Variants in ADAM23 observed in about 807,000 individuals in gnomAD.
The protein encoded by ADAM23 is ADAM metallopeptidase domain 23.
ADAM23 carries 33 observed loss-of-function variants against 120.1 expected under a neutral mutation model. That is an observed-to-expected ratio of 0.27 (90% confidence interval 0.21 to 0.37). ADAM23 has a LOEUF of 0.37. Among genes scored for constraint, ADAM23 ranks in the 10% least tolerant of loss-of-function variants. The pLI, the probability that ADAM23 is intolerant of heterozygous loss-of-function variation, is 1.00. For missense variants in ADAM23, 862 were observed against 1,058.2 expected, an observed-to-expected ratio of 0.81 and a Z score of 2.57; for synonymous variants, 367 against 375.2, an observed-to-expected ratio of 0.98 and a Z score of 0.25.
chr2:206,538,575 G>A (rs1208256187), intron 4 of ADAM23, among the ~76,000 whole-genome samples: 1 of 152,166 alleles, frequency 6.6e-6, no homozygotes, highest in African/African-American at 2.4e-5. Flanking sequence ...GAAAATATCA[G>A]TGTATGGTCA....
At chr2:206,464,164 G>A (rs950988778) in intron 2 of ADAM23, among the ~76,000 whole-genome samples, 1 of 152,286 alleles carries the variant, frequency 6.6e-6, no homozygotes, top group South Asian at 2.1e-4. Flanking sequence ...GTTCTTTTCA[G>A]TTGGATTATA....
chr2:206,595,736 A>T (rs1189166557), intron 23 of ADAM23, among the ~76,000 whole-genome samples: 1 of 152,238 alleles, frequency 6.6e-6, no homozygotes, highest in Non-Finnish European at 1.5e-5. Context: ...TTGTATACTT[A>T]TGTAATATCA....
At chr2:206,554,783 G>A (rs762469497) in intron 9 of ADAM23, among the ~76,000 whole-genome samples, 13 of 152,062 alleles carry the variant, frequency 8.5e-5, no homozygotes, top group Non-Finnish European at 1.3e-4. Flanking sequence ...TGTTTTAGGC[G>A]AAACACTTAC....
At chr2:206,488,325 G>A (rs868319489) in intron 3 of ADAM23, among the ~76,000 whole-genome samples, 2 of 152,202 alleles carry the variant, frequency 1.3e-5, no homozygotes, top group South Asian at 2.1e-4. Context: ...CAGTGTACAC[G>A]AATAGTGTTA....
intron 18 of ADAM23, among the ~76,000 whole-genome samples, chr2:206,578,282 G>A (rs1370954634): frequency 6.6e-6 from 1 of 152,066 alleles, no homozygotes; most frequent in Non-Finnish European, 1.5e-5. Flanking sequence ...TGATTTGTGA[G>A]ATTTTGGTGC....
intron 24 of ADAM23, among the ~76,000 whole-genome samples, chr2:206,598,979 C>T (rs918634962): frequency 5.5e-4 from 80 of 145,276 alleles, no homozygotes; most frequent in Non-Finnish European, 1.0e-3. Context: ...CCCAGGCAGG[C>T]GGATCACCTG....
In ADAM23 at chr2:206,587,352, G is replaced by A. The variant is rs1335979584; in HGVS notation, c.1765G>A (p.Gly589Arg). Reference sequence around the variant, plus strand: ...CCCACCAAATCTTCATAAGCAAGACGGATATGCATGCAATCAAAATCAGGT... The same window carrying A: ...CCCACCAAATCTTCATAAGCAAGACAGATATGCATGCAATCAAAATCAGGT... Reference protein sequence around the residue: ...QCPPNLHKQDGYACNQNQGRC... With the variant: ...QCPPNLHKQDRYACNQNQGRC... The change falls in exon 19 of 26, where the codon GGA (glycine) becomes AGA (arginine). Residue 589 changes from glycine to arginine, a missense_variant. By Grantham distance (125) the Gly-to-Arg change is moderately radical (BLOSUM62 -2). Transcript: ENST00000264377. The A allele has an allele frequency of 1.9e-6, 3 of 1,606,692 alleles. No individual in the cohort carries two copies. The highest frequency in any genetic ancestry group is 2.6e-6 in the Non-Finnish European group (3 of 1,176,380).
intron 3 of ADAM23, among the ~76,000 whole-genome samples, chr2:206,523,973 T>A (rs572414151): frequency 5.3e-5 from 8 of 152,062 alleles, no homozygotes; most frequent in Non-Finnish European, 1.0e-4. Flanking sequence ...GTGACAGCAT[T>A]GGTTGTCATT....
intron 2 of ADAM23, among the ~76,000 whole-genome samples, chr2:206,456,730 G>A (rs193276016): frequency 6.6e-5 from 10 of 152,232 alleles, no homozygotes; most frequent in Admixed American, 3.3e-4. Context: ...AGGTAGTCAC[G>A]TATTCCTGGA....
intron 20 of ADAM23, 112 bp downstream of exon 20, chr2:206,588,266 A>G: frequency 8.8e-7 from 1 of 1,137,498 alleles, no homozygotes; most frequent in African/African-American, 1.6e-5. Flanking sequence ...GTTTTAAAAA[A>G]ATCTAGAAAG....
intron 2 of ADAM23, among the ~76,000 whole-genome samples, chr2:206,448,472 G>A (rs1183518669): frequency 6.7e-6 from 1 of 149,250 alleles, no homozygotes; most frequent in Admixed American, 6.7e-5. Flanking sequence ...ACACAGCTTC[G>A]AAGACCGTTG....
intron 24 of ADAM23, among the ~76,000 whole-genome samples, chr2:206,603,049 A>G (rs1290506685): frequency 6.6e-6 from 1 of 152,178 alleles, no homozygotes; most frequent in Non-Finnish European, 1.5e-5. Context: ...TTCCATCTCC[A>G]GGTTTGGTAG....
chr2:206,562,311 C>G lies in ADAM23; in HGVS notation c.1345+18C>G, dbSNP rs1170934868. 1 of 1,597,156 alleles carries G rather than the reference C, an allele frequency of 6.3e-7. No individual in the cohort carries two copies. Among genetic ancestry groups the G allele is most frequent in the Non-Finnish European group, 8.6e-7 (1 of 1,165,432 alleles). ...AAAGCCAAGTATGTACACTGACCTT[C>G]TTACTCATTTTCATGTGCCATTCTG... On this transcript the variant is annotated intron_variant, in intron 13 of 25. Transcript: ENST00000264377.
intron 2 of ADAM23, among the ~76,000 whole-genome samples, chr2:206,466,162 C>T (rs538058945): frequency 1.5e-4 from 23 of 152,034 alleles, no homozygotes; most frequent in Non-Finnish European, 2.6e-4. Flanking sequence ...AGTGAACTTT[C>T]GGAAAATCAA....
At chr2:206,543,227 CCTT>C in intron 5 of ADAM23, 23 bp from the exon 6 acceptor site, 1 of 1,609,344 alleles carries the variant, frequency 6.2e-7, no homozygotes, top group Non-Finnish European at 8.5e-7. Flanking sequence ...TTTATTCCCT[CCTT>C]TGTGTGGTTT....
At chr2:206,556,700 TAAAC>T (rs1697650377) in intron 9 of ADAM23, among the ~76,000 whole-genome samples, 2 of 152,174 alleles carry the variant, frequency 1.3e-5, no homozygotes, top group Admixed American at 1.3e-4. Context: ...TAAATAAACA[TAAAC>T]AATCATAAAC....
chr2:206,451,262 C>T (rs1222137938), intron 2 of ADAM23, among the ~76,000 whole-genome samples: 1 of 152,184 alleles, frequency 6.6e-6, no homozygotes, highest in Non-Finnish European at 1.5e-5. Flanking sequence ...ACTTCAAAGA[C>T]AGAGTCTCAC....
intron 10 of ADAM23, 78 bp downstream of exon 10, chr2:206,557,576 A>G (rs558426839): frequency 1.5e-6 from 2 of 1,330,388 alleles, no homozygotes; most frequent in African/African-American, 2.9e-5. Context: ...TACTTTAGGT[A>G]TTTCTTGAAC....
At chr2:206,600,834 C>T (rs1698626911) in intron 24 of ADAM23, among the ~76,000 whole-genome samples, 1 of 152,114 alleles carries the variant, frequency 6.6e-6, no homozygotes, top group Non-Finnish European at 1.5e-5. Context: ...GATCTCAAAG[C>T]ACAAACCATG....
Sources: allele counts gnomAD v4.1 joint callset (sites outside exome capture counted in the v4.1 genomes callset), GRCh38; gene constraint gnomAD v4.1.1; transcripts MANE v1.5; gene names NCBI Gene and HGNC (gene_info 2026-07-23, HGNC 2026-07-21).